The following EPB41L4A variants were observed in gnomAD, a reference collection of about 807,000 sequenced individuals.
EPB41L4A encodes the protein erythrocyte membrane protein band 4.1 like 4A, also known as band 4.1-like protein 4A.
A neutral mutation model predicts 108.6 loss-of-function variants in EPB41L4A; 100 were observed. The ratio of observed to expected loss-of-function variants is 0.92; its 90% CI spans 0.78 to 1.09. The LOEUF (loss-of-function observed/expected upper bound fraction) is 1.09, where lower values mean the gene tolerates loss of function less well. Ranked by LOEUF, EPB41L4A falls within the 50% of genes least tolerant of loss-of-function variation. The probability of loss-of-function intolerance (pLI) is 0.00; values close to 1 mark genes in which losing one functional copy is unlikely to be tolerated. For missense variants in EPB41L4A, 1,030 were observed against 842.7 expected (o/e 1.22, Z -2.75); for synonymous variants, 319 against 289.0 (o/e 1.10, Z -1.05).
downstream of EPB41L4A, among the ~76,000 whole-genome samples, chr5:112,160,188 GC>G (rs1759804914): frequency 6.6e-6 from 1 of 152,106 alleles, no homozygotes; most frequent in African/African-American, 2.4e-5. Flanking sequence ...GGGATTACAG[GC>G]ATGAGCCACC....
intron 22 of EPB41L4A, among the ~76,000 whole-genome samples, chr5:112,167,270 CAA>C (rs1172803091): frequency 1.3e-5 from 2 of 152,084 alleles, no homozygotes; most frequent in Non-Finnish European, 2.9e-5. Context: ...AGATGAAACA[CAA>C]ATGATTCAGG....
At chr5:112,225,027 G>A (rs971671656) in intron 12 of EPB41L4A, among the ~76,000 whole-genome samples, 2 of 152,162 alleles carry the variant, frequency 1.3e-5, no homozygotes, top group African/African-American at 4.8e-5. Context: ...GTCAAAGGCC[G>A]GATAGATGTG....
At chr5:112,247,558 C>T (rs969122761) in intron 9 of EPB41L4A, among the ~76,000 whole-genome samples, 3 of 152,104 alleles carry the variant, frequency 2.0e-5, no homozygotes, top group Non-Finnish European at 4.4e-5. Context: ...ACATTTTTAG[C>T]AAAATCATCC....
At chr5:112,302,404 G>C (rs1580643260) in intron 2 of EPB41L4A, among the ~76,000 whole-genome samples, 1 of 152,138 alleles carries the variant, frequency 6.6e-6, no homozygotes, top group African/African-American at 2.4e-5. Flanking sequence ...AGCAGATTTG[G>C]AGGGGAAGAT....
At chr5:112,256,932 A>C (rs957091099) in intron 9 of EPB41L4A, 1 of 152,214 alleles carries the variant, frequency 6.6e-6, no homozygotes, top group Non-Finnish European at 1.5e-5. Context: ...TTTGTAAAAA[A>C]TTATGTAAAC....
chr5:112,412,954 T>C (rs888864544), intron 1 of EPB41L4A, among the ~76,000 whole-genome samples: 9 of 152,208 alleles, frequency 5.9e-5, no homozygotes, highest in Admixed American at 2.0e-4. Flanking sequence ...CAGTGTCAGA[T>C]TAGGTTTAAA....
At position 112,360,337 on chromosome 5, in the gene EPB41L4A, T is replaced by C. The variant is rs1002798962; in HGVS notation, c.100-52847A>G. Among the ~76,000 whole-genome samples the C allele has an allele frequency of 2.0e-5, 3 of 152,352 alleles. No individual in the cohort carries two copies. In the South Asian group the frequency reaches 6.2e-4, roughly 32 times the overall value. On this transcript the variant is annotated intron_variant, in intron 1 of 22. Transcript: ENST00000261486. Reference sequence around the variant, plus strand: ...CTCTGATGCTGAGCCCAGGCTGGACTGTACTGCCGCCATCTCGGCTCACCG... The same window carrying C: ...CTCTGATGCTGAGCCCAGGCTGGACCGTACTGCCGCCATCTCGGCTCACCG...
intron 15 of EPB41L4A, among the ~76,000 whole-genome samples, chr5:112,199,813 T>G (rs1027758013): frequency 2.0e-5 from 3 of 152,202 alleles, no homozygotes; most frequent in African/African-American, 7.2e-5. Flanking sequence ...ATTTTACCTC[T>G]CACTGGCTAC....
intron 1 of EPB41L4A, among the ~76,000 whole-genome samples, chr5:112,336,822 T>C (rs1756953632): frequency 1.3e-5 from 2 of 152,342 alleles, no homozygotes; most frequent in Middle Eastern, 3.4e-3. Flanking sequence ...TAGAGGTATT[T>C]GGGGTCAATT....
At chr5:112,171,570 G>A (rs999888829) in intron 18 of EPB41L4A, among the ~76,000 whole-genome samples, 6 of 152,132 alleles carry the variant, frequency 3.9e-5, no homozygotes, top group African/African-American at 1.4e-4. Flanking sequence ...CCCTCTTTAC[G>A]CCCTTCTCCA....
intron 1 of EPB41L4A, among the ~76,000 whole-genome samples, chr5:112,413,270 C>A (rs1279293878): frequency 6.6e-6 from 1 of 152,180 alleles, no homozygotes; most frequent in Non-Finnish European, 1.5e-5. Flanking sequence ...TTTCAATGTA[C>A]TGCATGCATT....
rs1754748755 is a variant in EPB41L4A at position 112,307,256 on chromosome 5, A to T, written c.204+130T>A. 14 of 612,582 alleles carry T rather than the reference A, an allele frequency of 2.3e-5. 1 individual carries two copies. In the South Asian group the frequency reaches 3.2e-4, roughly 14 times the overall value. 37.9% of individuals were successfully genotyped at this position (612,582 alleles called of 1,614,324 possible). A position where few individuals can be genotyped will look rare whatever the true frequency, so the allele number is the denominator to read the frequency against. Reference sequence around the variant, plus strand: ...AAATGCAAAGAAATTATCAGGGGAAAACATGTTTGAGATTTTCAAAGTCTT... The same window carrying T: ...AAATGCAAAGAAATTATCAGGGGAATACATGTTTGAGATTTTCAAAGTCTT... On this transcript the variant is annotated intron_variant, in intron 2 of 22. Coordinates refer to ENST00000261486, the MANE Select transcript of EPB41L4A (RefSeq NM_022140.5).
chr5:112,269,336 TTAG>T (rs1302165212), intron 4 of EPB41L4A, among the ~76,000 whole-genome samples: 2 of 152,136 alleles, frequency 1.3e-5, no homozygotes, highest in Admixed American at 1.3e-4. Context: ...AGCAAGCATC[TTAG>T]TAGAGTCATA....
At chr5:112,342,767 C>T (rs1757398704) in intron 1 of EPB41L4A, among the ~76,000 whole-genome samples, 2 of 152,112 alleles carry the variant, frequency 1.3e-5, no homozygotes, top group Non-Finnish European at 1.5e-5. Flanking sequence ...TGCCAGTTGG[C>T]AGACTGGCAT....
chr5:112,208,274 C>T (rs1479502695), intron 13 of EPB41L4A, among the ~76,000 whole-genome samples: 1 of 142,982 alleles, frequency 7.0e-6, no homozygotes, highest in Non-Finnish European at 1.5e-5. Context: ...GACACATACA[C>T]TTACATGCTC....
intron 1 of EPB41L4A, among the ~76,000 whole-genome samples, chr5:112,362,019 G>A (rs1158301986): frequency 6.6e-6 from 1 of 152,136 alleles, no homozygotes. Flanking sequence ...TCTTGGTCTT[G>A]TTGGCAATAC....
chr5:112,349,184 T>C (rs1167874255), intron 1 of EPB41L4A, among the ~76,000 whole-genome samples: 1 of 152,140 alleles, frequency 6.6e-6, no homozygotes, highest in Non-Finnish European at 1.5e-5. Flanking sequence ...TTTAAAAATG[T>C]TGAAGTCTGT....
intron 17 of EPB41L4A, among the ~76,000 whole-genome samples, chr5:112,191,158 G>C (rs1264876483): frequency 6.6e-6 from 1 of 152,126 alleles, no homozygotes; most frequent in Non-Finnish European, 1.5e-5. Flanking sequence ...CGGATTATGA[G>C]AACAGTAAAG....
At chr5:112,296,103 T>C (rs34136685) in intron 2 of EPB41L4A, among the ~76,000 whole-genome samples, 10,520 of 152,246 alleles carry the variant, frequency 0.069, 436 homozygotes, top group Middle Eastern at 0.088. Flanking sequence ...TGTTGGAGAC[T>C]TTCCATAAGC....
Sources: allele counts gnomAD v4.1 joint callset (sites outside exome capture counted in the v4.1 genomes callset), GRCh38; gene constraint gnomAD v4.1.1; transcripts MANE v1.5; gene names NCBI Gene and HGNC (gene_info 2026-07-23, HGNC 2026-07-21).